MAGI3: variants seen among roughly 807,000 people sequenced by gnomAD.
MAGI3 encodes membrane associated guanylate kinase, WW and PDZ domain containing 3.
In MAGI3, 43 loss-of-function variants were observed where a neutral mutation model predicts 121.8. The observed-to-expected ratio is 0.35, with a 90% CI of 0.28 to 0.46. MAGI3 has a LOEUF of 0.46. Among genes scored for constraint, MAGI3 ranks in the 20% least tolerant of loss-of-function variants. MAGI3 has a pLI of 1.00. For missense variants in MAGI3, 1,547 were observed against 1,797.3 expected (o/e 0.86, Z 2.52); for synonymous variants, 553 against 639.3 (o/e 0.86, Z 2.04).
intron 1 of MAGI3, among the ~76,000 whole-genome samples, chr1:113,445,812 A>G (rs1654149590): frequency 6.6e-6 from 1 of 152,206 alleles, no homozygotes; most frequent in Non-Finnish European, 1.5e-5. Flanking sequence ...GTCCTACCAA[A>G]GTGAGGGATA....
intron 1 of MAGI3, among the ~76,000 whole-genome samples, chr1:113,534,038 C>T (rs910284725): frequency 6.6e-6 from 1 of 152,168 alleles, no homozygotes; most frequent in Non-Finnish European, 1.5e-5. Flanking sequence ...TTCCCCTGCA[C>T]ATCTGTGAGC....
intron 16 of MAGI3, among the ~76,000 whole-genome samples, chr1:113,660,775 T>A (rs1653747610): frequency 6.7e-6 from 1 of 149,056 alleles, no homozygotes; most frequent in Admixed American, 6.7e-5. Context: ...AATTTTTTTT[T>A]TTTTTTTTTT....
In MAGI3 at chr1:113,489,747, T is replaced by G. The variant is rs188725736; in HGVS notation, c.317-59768T>G. Among the ~76,000 whole-genome samples, 16 of 152,018 alleles carry G rather than the reference T, an allele frequency of 1.1e-4. No homozygotes were observed. In the East Asian group the frequency reaches 3.1e-3, roughly 30 times the overall value. Reference sequence around the variant, plus strand: ...ACACTACAAGAATTTCATAATGCAATTGCAACCATTAATAGCAGAATAGAC... The same window carrying G: ...ACACTACAAGAATTTCATAATGCAAGTGCAACCATTAATAGCAGAATAGAC... On this transcript the variant is annotated intron_variant, in intron 1 of 20. Coordinates refer to ENST00000307546, the MANE Select transcript of MAGI3 (RefSeq NM_001142782.2).
intron 2 of MAGI3, among the ~76,000 whole-genome samples, chr1:113,559,395 C>G (rs114029158): frequency 3.3e-5 from 5 of 151,964 alleles, no homozygotes; most frequent in Non-Finnish European, 7.4e-5. Flanking sequence ...ATTCTAGTTT[C>G]AGACAAAATA....
In MAGI3 at chr1:113,450,308, G is replaced by A. The variant is rs184529904; in HGVS notation, c.316+58959G>A. On this transcript the variant is annotated intron_variant, in intron 1 of 20. Coordinates refer to ENST00000307546, the MANE Select transcript of MAGI3 (RefSeq NM_001142782.2). ...GGTGGATCTGGCAATTTTATGGGTC[G>A]CGGAGGAAACTTTGGAGGTGGTGGA... is the stretch of plus-strand genomic sequence containing the variant. 1.2e-3 allele frequency: 1,854 copies of A among 1,543,522 alleles called. 1 individual carries two copies. Among genetic ancestry groups the A allele is most frequent in the Middle Eastern group, 2.0e-3 (12 of 5,934 alleles).
rs777869163 is a variant in MAGI3 at position 113,681,229 on chromosome 1, A to T, written c.3221A>T (p.Glu1074Val). 6.2e-7 allele frequency: 1 copy of T among 1,613,768 alleles called. No individual in the cohort carries two copies. The highest frequency in any genetic ancestry group is 2.2e-5 in the East Asian group (1 of 44,864). Residue 1074 changes from glutamate to valine, a missense_variant, in exon 20 of 21, where the codon GAA becomes GTA. Coordinates refer to ENST00000307546, the MANE Select transcript of MAGI3 (RefSeq NM_001142782.2). ...VGDQIVEING[E>V]PTQGITHTRA... ...GACCAGATTGTTGAAATCAATGGGG[A>T]ACCTACACAAGGAATCACACATACT... is the stretch of plus-strand genomic sequence containing the variant.
At chr1:113,410,910 T>C (rs1485797416) in intron 1 of MAGI3, among the ~76,000 whole-genome samples, 1 of 152,122 alleles carries the variant, frequency 6.6e-6, no homozygotes, top group Non-Finnish European at 1.5e-5. Flanking sequence ...AAACATAGGA[T>C]AGCGTCCTTT....
At chr1:113,512,971 A>G (rs1376949214) in intron 1 of MAGI3, among the ~76,000 whole-genome samples, 1 of 152,188 alleles carries the variant, frequency 6.6e-6, no homozygotes, top group East Asian at 1.9e-4. Flanking sequence ...AAGCATTCTT[A>G]TACACCAATA....
intron 1 of MAGI3, among the ~76,000 whole-genome samples, chr1:113,433,400 T>C (rs1229075674): frequency 6.6e-6 from 1 of 152,226 alleles, no homozygotes; most frequent in Non-Finnish European, 1.5e-5. Flanking sequence ...TAGAACACTA[T>C]AAATTTGCTG....
At chr1:113,411,681 A>T (rs1651998156) in intron 1 of MAGI3, among the ~76,000 whole-genome samples, 1 of 151,350 alleles carries the variant, frequency 6.6e-6, no homozygotes, top group African/African-American at 2.4e-5. Context: ...TTATTCCTTG[A>T]TTTCTTCTCT....
intron 1 of MAGI3, among the ~76,000 whole-genome samples, chr1:113,414,758 A>G (rs1400018675): frequency 6.6e-6 from 1 of 152,058 alleles, no homozygotes. Context: ...ATTACAAAAC[A>G]TGATATAAAA....
chr1:113,619,410 A>C (rs1276192065), intron 7 of MAGI3, among the ~76,000 whole-genome samples: 1 of 152,222 alleles, frequency 6.6e-6, no homozygotes, highest in Non-Finnish European at 1.5e-5. Flanking sequence ...TTTTTAAAAA[A>C]ATTAAATTAC....
At chr1:113,638,938 C>T (rs1303424961) in intron 9 of MAGI3, among the ~76,000 whole-genome samples, 18 of 152,222 alleles carry the variant, frequency 1.2e-4, no homozygotes, top group Admixed American at 3.9e-4. Flanking sequence ...TGGGCAATGG[C>T]GGGCGCCCCT....
In MAGI3 at chr1:113,390,957, C is replaced by T; in HGVS notation, c.-77C>T. 7.5e-7 allele frequency: 1 copy of T among 1,335,450 alleles called. No homozygotes were observed. The highest frequency in any genetic ancestry group is 9.7e-7 in the Non-Finnish European group (1 of 1,030,432). The allele number at this position is 1,335,450 out of a possible 1,614,324, so 82.7% of individuals were successfully genotyped here. ...CCGGGCTGCGCGGGCCGCCCAGGGC[C>T]CCCGGGCTGAGACGGGGCCGGAGCG... On this transcript the variant is annotated 5_prime_UTR_variant, in exon 1 of 21. Coordinates refer to ENST00000307546, the MANE Select transcript of MAGI3 (RefSeq NM_001142782.2).
intron 6 of MAGI3, among the ~76,000 whole-genome samples, chr1:113,598,555 T>G (rs1264623075): frequency 6.6e-6 from 1 of 151,750 alleles, no homozygotes; most frequent in African/African-American, 2.4e-5. Context: ...AAAACAGATT[T>G]TAAAGCAACA....
chr1:113,653,391 G>T (rs1281909796), intron 14 of MAGI3, among the ~76,000 whole-genome samples: 3 of 152,050 alleles, frequency 2.0e-5, no homozygotes, highest in African/African-American at 7.3e-5. Flanking sequence ...GGCCAATATG[G>T]TGAAACCCCA....
At chr1:113,598,748 G>A (rs190418111) in intron 6 of MAGI3, among the ~76,000 whole-genome samples, 48 of 152,212 alleles carry the variant, frequency 3.2e-4, no homozygotes, top group Non-Finnish European at 6.0e-4. Flanking sequence ...ACACTCCACT[G>A]ACAGCACTAG....
intron 19 of MAGI3, among the ~76,000 whole-genome samples, chr1:113,676,979 G>C (rs6537792): frequency 0.75 from 114,517 of 152,060 alleles, 43,895 homozygotes; most frequent in African/African-American, 0.86. Flanking sequence ...CAGTTCCCAG[G>C]ACTTATTACT....
chr1:113,484,648 C>T (rs1656266465), intron 1 of MAGI3, among the ~76,000 whole-genome samples: 1 of 30,638 alleles, frequency 3.3e-5, no homozygotes, highest in Non-Finnish European at 6.3e-5. Context: ...CTTCCCTTCC[C>T]TCCCCTCCCC....
Sources: allele counts gnomAD v4.1 joint callset (sites outside exome capture counted in the v4.1 genomes callset), GRCh38; gene constraint gnomAD v4.1.1; transcripts MANE v1.5; gene names NCBI Gene and HGNC (gene_info 2026-07-23, HGNC 2026-07-21).